IFT80: variants seen among roughly 807,000 people sequenced by gnomAD.
The protein encoded by IFT80 is intraflagellar transport protein 80 homolog.
IFT80 carries 79 observed loss-of-function variants against 107.9 expected under a neutral mutation model. The observed-to-expected ratio is 0.73, with a 90% CI of 0.61 to 0.88. IFT80 has a LOEUF of 0.88. Among genes scored for constraint, IFT80 ranks in the 40% least tolerant of loss-of-function variants. The pLI, the probability that IFT80 is intolerant of heterozygous loss-of-function variation, is 0.00. For missense variants in IFT80, 797 were observed against 914.2 expected, an observed-to-expected ratio of 0.87 and a Z score of 1.65; for synonymous variants, 299 against 300.9, an observed-to-expected ratio of 0.99 and a Z score of 0.07.
intron 1 of IFT80, among the ~76,000 whole-genome samples, chr3:160,387,172 G>C (rs951539231): frequency 9.9e-5 from 15 of 152,224 alleles, no homozygotes; most frequent in African/African-American, 3.4e-4. Context: ...TATATTTTGA[G>C]GAAAGATTCC....
intron 7 of IFT80, among the ~76,000 whole-genome samples, chr3:160,356,456 T>A (rs1320936284): frequency 6.6e-6 from 1 of 152,156 alleles, no homozygotes; most frequent in African/African-American, 2.4e-5. Flanking sequence ...GAACATAAAA[T>A]CTACCCATTT....
At chr3:160,335,324 A>G (rs1172873220) in intron 8 of IFT80, among the ~76,000 whole-genome samples, 1 of 150,068 alleles carries the variant, frequency 6.7e-6, no homozygotes, top group Non-Finnish European at 1.5e-5. Context: ...TTTGCCTCCC[A>G]GGTTCTCCTG....
intron 6 of IFT80, among the ~76,000 whole-genome samples, chr3:160,365,421 C>G (rs1032780428): frequency 2.0e-5 from 3 of 152,108 alleles, no homozygotes; most frequent in African/African-American, 7.2e-5. Context: ...ACTTCTATGC[C>G]TGCTGTAGCC....
chr3:160,389,655 T>A (rs866424441), intron 1 of IFT80, among the ~76,000 whole-genome samples: 1 of 151,962 alleles, frequency 6.6e-6, no homozygotes, highest in Non-Finnish European at 1.5e-5. Context: ...ACAAAGGACA[T>A]GAACTCATCA....
intron 8 of IFT80, among the ~76,000 whole-genome samples, chr3:160,332,432 T>A (rs552672567): frequency 3.3e-5 from 5 of 152,142 alleles, no homozygotes; most frequent in Non-Finnish European, 7.4e-5. Flanking sequence ...TGGCAACCCC[T>A]AGTGGGGTTG....
chr3:160,284,535 T>C (rs886646014), intron 13 of IFT80, among the ~76,000 whole-genome samples: 6 of 152,216 alleles, frequency 3.9e-5, no homozygotes, highest in Non-Finnish European at 7.3e-5. Flanking sequence ...TCACAATACT[T>C]ATTAAAATTA....
At chr3:160,317,906 A>C (rs1221710246) in intron 9 of IFT80, among the ~76,000 whole-genome samples, 1 of 152,044 alleles carries the variant, frequency 6.6e-6, no homozygotes, top group Non-Finnish European at 1.5e-5. Context: ...ATTCAAACAA[A>C]GTTTTGTGGC....
chr3:160,312,670 TATATATA>T (rs1717393894), intron 9 of IFT80, among the ~76,000 whole-genome samples: 1 of 54,372 alleles, frequency 1.8e-5, no homozygotes, highest in Non-Finnish European at 3.2e-5. Flanking sequence ...TAATATATAA[TATATATA>T]ATAAATATAT....
chr3:160,305,371 T>C (rs938119639), intron 10 of IFT80, among the ~76,000 whole-genome samples: 1 of 152,160 alleles, frequency 6.6e-6, no homozygotes, highest in Non-Finnish European at 1.5e-5. Context: ...AAATTACTGC[T>C]AATAATTAGT....
chr3:160,319,984 A>T (rs752763004), intron 8 of IFT80, 45 bp from the exon 9 acceptor site: 14 of 1,509,376 alleles, frequency 9.3e-6, no homozygotes, highest in South Asian at 2.3e-5. Flanking sequence ...CTGAAAAAAA[A>T]TTTTTAGGAA....
chr3:160,279,837 G>C (rs556298145), intron 15 of IFT80, among the ~76,000 whole-genome samples: 1 of 152,258 alleles, frequency 6.6e-6, no homozygotes, highest in Non-Finnish European at 1.5e-5. Flanking sequence ...TTAACTACTT[G>C]GGAAGATCAC....
At chr3:160,392,824 C>G in intron 1 of IFT80, among the ~76,000 whole-genome samples, 1 of 152,182 alleles carries the variant, frequency 6.6e-6, no homozygotes, top group Non-Finnish European at 1.5e-5. Context: ...GATCACAGCA[C>G]TTTAGGAGAC....
intron 9 of IFT80, among the ~76,000 whole-genome samples, chr3:160,310,723 A>G (rs978492123): frequency 5.9e-5 from 9 of 152,330 alleles, no homozygotes; most frequent in African/African-American, 1.9e-4. Context: ...ATACCACTAA[A>G]AGAGAGACAA....
intron 9 of IFT80, among the ~76,000 whole-genome samples, chr3:160,318,873 T>C (rs756682433): frequency 1.1e-4 from 16 of 152,042 alleles, no homozygotes; most frequent in Non-Finnish European, 1.9e-4. Context: ...TTTTCTGACC[T>C]TTTCCTGAAG....
At chr3:160,376,607 T>C (rs1178860079) in intron 4 of IFT80, among the ~76,000 whole-genome samples, 2 of 152,208 alleles carry the variant, frequency 1.3e-5, no homozygotes, top group Non-Finnish European at 2.9e-5. Context: ...TCTTCCACTG[T>C]GGGCTGTACT....
chr3:160,258,088 C>T lies in IFT80; in HGVS notation c.*437G>A. ...AATAGTGGCATTTTATACATTTGTA[C>T]AAATCCATCCTCATGTATTTTTGTT... On this transcript the variant is annotated 3_prime_UTR_variant, in exon 20 of 20. Transcript: ENST00000326448. 4.9e-6 allele frequency: 1 copy of T among 202,168 alleles called. No individual in the cohort carries two copies. Among genetic ancestry groups the T allele is most frequent in the East Asian group, 1.3e-4 (1 of 7,586 alleles). The allele number at this position is 202,168 out of a possible 1,614,324, so 12.5% of individuals were successfully genotyped here. A position where few individuals can be genotyped will look rare whatever the true frequency, so the allele number is the denominator to read the frequency against.
rs1553766638 is a variant in IFT80 at position 160,381,266 on chromosome 3, T to TATATATATATATATATATATATA, written c.259+236_259+237insTATATATATATATATATATATAT. Among the ~76,000 whole-genome samples the TATATATATATATATATATATATA allele has an allele frequency of 6.2e-4, 44 of 70,664 alleles. 1 individual carries two copies. Among genetic ancestry groups the TATATATATATATATATATATATA allele is most frequent in the Non-Finnish European group, 1.1e-3 (33 of 29,580 alleles). The allele number at this position is 70,664 out of a possible 152,430, so 46.4% of individuals were successfully genotyped here. A position where few individuals can be genotyped will look rare whatever the true frequency, so the allele number is the denominator to read the frequency against. ...TATATATATATATATATATATATAT[T>TATATATATATATATATATATATA]AAAGCCAAAGACCCATATTCAATCC... On this transcript the variant is annotated intron_variant, in intron 3 of 19. Transcript: ENST00000326448.
At chr3:160,317,662 A>G (rs1490053096) in intron 9 of IFT80, among the ~76,000 whole-genome samples, 3 of 152,122 alleles carry the variant, frequency 2.0e-5, no homozygotes, top group Non-Finnish European at 2.9e-5. Flanking sequence ...ACATTAAACC[A>G]TCATCTAGAT....
chr3:160,288,914 C>G (rs1274858642), intron 12 of IFT80, among the ~76,000 whole-genome samples: 1 of 152,126 alleles, frequency 6.6e-6, no homozygotes, highest in East Asian at 1.9e-4. Flanking sequence ...CCTGAAAGAG[C>G]TAAAAACAGA....
Sources: allele counts gnomAD v4.1 joint callset (sites outside exome capture counted in the v4.1 genomes callset), GRCh38; gene constraint gnomAD v4.1.1; transcripts MANE v1.5; gene names NCBI Gene and HGNC (gene_info 2026-07-23, HGNC 2026-07-21).